PBX1: variants seen among roughly 807,000 people sequenced by gnomAD.
The protein encoded by PBX1 is pre-B-cell leukemia transcription factor 1.
Under a neutral mutation model 53.4 loss-of-function variants are expected in PBX1, and 6 were observed. That is an observed-to-expected ratio of 0.11 (90% CI 0.06 to 0.22). The LOEUF (loss-of-function observed/expected upper bound fraction) is 0.22, where lower values mean the gene tolerates loss of function less well. Ranked by LOEUF, PBX1 falls within the 10% of genes least tolerant of loss-of-function variation. The probability of loss-of-function intolerance (pLI) is 1.00; values close to 1 mark genes in which losing one functional copy is unlikely to be tolerated. For missense variants in PBX1, 251 were observed against 551.4 expected, an observed-to-expected ratio of 0.46 and a Z score of 5.46; for synonymous variants, 204 against 212.3, an observed-to-expected ratio of 0.96 and a Z score of 0.34.
downstream of PBX1, among the ~76,000 whole-genome samples, chr1:164,856,671 A>G (rs762229100): frequency 4.6e-5 from 7 of 152,146 alleles, no homozygotes; most frequent in Non-Finnish European, 1.0e-4. Flanking sequence ...CCTTCAGAAC[A>G]CATGACAGGT....
At chr1:164,627,196 C>A (rs993940478) in intron 2 of PBX1, among the ~76,000 whole-genome samples, 1 of 151,856 alleles carries the variant, frequency 6.6e-6, no homozygotes, top group Non-Finnish European at 1.5e-5. Flanking sequence ...ATTGAAAATG[C>A]CCCCTTTTTT....
At position 164,795,534 on chromosome 1, in the gene PBX1, G is replaced by T. The variant is rs973411090; in HGVS notation, c.510+2796G>T. On this transcript the variant is annotated intron_variant, in intron 3 of 8. Coordinates refer to ENST00000420696, the MANE Select transcript of PBX1 (RefSeq NM_002585.4). Reference sequence around the variant, plus strand: ...AGTGTAGAAGTTGTACTACTCATCTGTATTTATTATTTTTAAAAGTACTAA... The same window carrying T: ...AGTGTAGAAGTTGTACTACTCATCTTTATTTATTATTTTTAAAAGTACTAA... Among the ~76,000 whole-genome samples, 7 of 152,134 alleles carry T rather than the reference G, an allele frequency of 4.6e-5. No individual in the cohort carries two copies. The East Asian group carries it at 1.3e-3, about 29-fold the overall frequency.
At chr1:164,681,901 T>C (rs1039369637) in intron 2 of PBX1, among the ~76,000 whole-genome samples, 2 of 152,176 alleles carry the variant, frequency 1.3e-5, no homozygotes, top group African/African-American at 2.4e-5. Context: ...CAAATTTGCC[T>C]TTGTCTTAAC....
At chr1:164,620,170 T>G (rs967929394) in intron 2 of PBX1, among the ~76,000 whole-genome samples, 3 of 152,158 alleles carry the variant, frequency 2.0e-5, no homozygotes, top group African/African-American at 4.8e-5. Context: ...CAGAGTGAGA[T>G]CCTATCAAAA....
Position 164,848,345 on chromosome 1 carries a change from C to T in PBX1, c.*1669C>T. ...GAGGTGGTCAAATATTTTGGTGCCT[C>T]ATTTTCTTCATCTGTGAGATGGGAA... On this transcript the variant is annotated 3_prime_UTR_variant, in exon 9 of 9. Coordinates refer to ENST00000420696, the MANE Select transcript of PBX1 (RefSeq NM_002585.4). 10 of 1,057,268 alleles carry T rather than the reference C, an allele frequency of 9.5e-6. No individual in the cohort carries two copies. The highest frequency in any genetic ancestry group is 1.0e-5 in the Non-Finnish European group (9 of 874,324). 65.5% of individuals were successfully genotyped at this position (1,057,268 alleles called of 1,614,324 possible). A position where few individuals can be genotyped will look rare whatever the true frequency, so the allele number is the denominator to read the frequency against.
intron 2 of PBX1, among the ~76,000 whole-genome samples, chr1:164,668,509 G>T (rs1557929277): frequency 6.6e-6 from 1 of 151,952 alleles, no homozygotes; most frequent in Non-Finnish European, 1.5e-5. Context: ...GGGCCCTGCT[G>T]GGCTGTCTCC....
chr1:164,884,809 C>CG (rs1672740066), intron 2 of PBX1, among the ~76,000 whole-genome samples: 1 of 152,140 alleles, frequency 6.6e-6, no homozygotes, highest in African/African-American at 2.4e-5. Flanking sequence ...CTCTTCGCCC[C>CG]CACTAATCCA....
intron 2 of PBX1, among the ~76,000 whole-genome samples, chr1:164,631,822 G>T (rs1658428079): frequency 6.6e-6 from 1 of 152,196 alleles, no homozygotes; most frequent in Admixed American, 6.5e-5. Flanking sequence ...ACTGATTTGG[G>T]CCATATTCGA....
rs752154087 is a variant in PBX1, at chr1:164,579,609, AGTCT to A, written c.265+16306_265+16309del. ...GACTCTTGGAACACACAGACAGCAC[AGTCT>A]GTCTGTCCTGGCTGTCAGTCGAAGA... On this transcript the variant is annotated intron_variant, in intron 2 of 8. Coordinates refer to ENST00000420696, the MANE Select transcript of PBX1 (RefSeq NM_002585.4). Among the ~76,000 whole-genome samples the A allele has an allele frequency of 2.6e-5, 4 of 152,344 alleles. No individual in the cohort carries two copies. The East Asian group carries it at 7.7e-4, about 29-fold the overall frequency.
chr1:164,614,059 A>G (rs1206306456), intron 2 of PBX1, among the ~76,000 whole-genome samples: 1 of 152,204 alleles, frequency 6.6e-6, no homozygotes, highest in African/African-American at 2.4e-5. Flanking sequence ...TTGGGGAAGC[A>G]GAAGCACAAA....
In PBX1 at chr1:164,788,071, G is replaced by A. The variant is rs1365330942; in HGVS notation, c.266-4423G>A. The stretch of plus-strand genomic sequence containing the variant: ...TTCAGAAAAAAGCTGCTGGGGTGGG[G>A]AGGGAAGAGATGAGGGGGAGGGAGA... On this transcript the variant is annotated intron_variant, in intron 2 of 8. Transcript: ENST00000420696. 2.0e-5 allele frequency among the ~76,000 whole-genome samples: 3 copies of A among 151,916 alleles called. No individual in the cohort carries two copies. The East Asian group carries it at 5.8e-4, about 29-fold the overall frequency.
chr1:164,638,982 T>C (rs1370861645), intron 2 of PBX1, among the ~76,000 whole-genome samples: 1 of 152,230 alleles, frequency 6.6e-6, no homozygotes, highest in Non-Finnish European at 1.5e-5. Flanking sequence ...GTTTTTTCTC[T>C]ACAGGAGTTG....
At chr1:164,608,725 T>C (rs954062784) in intron 2 of PBX1, among the ~76,000 whole-genome samples, 1 of 152,178 alleles carries the variant, frequency 6.6e-6, no homozygotes, top group Non-Finnish European at 1.5e-5. Context: ...AGTCACAAAA[T>C]GTGGCTGAGC....
At position 164,573,025 on chromosome 1, in the gene PBX1, G is replaced by A. The variant is rs74994313; in HGVS notation, c.265+9714G>A. 2.6e-3 allele frequency among the ~76,000 whole-genome samples: 391 copies of A among 152,246 alleles called. 3 individuals carry two copies. The highest frequency in any genetic ancestry group is 9.2e-3 in the African/African-American group (382 of 41,552). On this transcript the variant is annotated intron_variant, in intron 2 of 8. Coordinates refer to ENST00000420696, the MANE Select transcript of PBX1 (RefSeq NM_002585.4). ...CACACCCCCCTCCCCTACTTCTAGA[G>A]TTCTGTGGAGAGAATCTCACAGAAC...
intron 2 of PBX1, among the ~76,000 whole-genome samples, chr1:164,732,021 A>T (rs1665017273): frequency 6.6e-6 from 1 of 152,142 alleles, no homozygotes; most frequent in African/African-American, 2.4e-5. Flanking sequence ...GAACAGGGAC[A>T]ATGTTGGGGA....
chr1:164,559,689 C>CT lies in PBX1; in HGVS notation c.-128dup, dbSNP rs1443258048. 8 of 357,150 alleles carry CT rather than the reference C, an allele frequency of 2.2e-5. No individual in the cohort carries two copies. The highest frequency in any genetic ancestry group is 8.5e-5 in the East Asian group (1 of 11,780). 22.1% of individuals were successfully genotyped at this position (357,150 alleles called of 1,614,324 possible). A position where few individuals can be genotyped will look rare whatever the true frequency, so the allele number is the denominator to read the frequency against. On this transcript the variant is annotated 5_prime_UTR_variant, in exon 1 of 9. Transcript: ENST00000420696. The stretch of plus-strand genomic sequence containing the variant: ...GGGATTTTTTTTTTCTTTTGGTCTT[C>CT]TTTTTTCCCCCTTCCCTGTTTATCC...
chr1:164,708,012 C>T (rs1663541661), intron 2 of PBX1, among the ~76,000 whole-genome samples: 1 of 152,224 alleles, frequency 6.6e-6, no homozygotes, highest in African/African-American at 2.4e-5. Context: ...GCATGACTTA[C>T]AGCAGATTTG....
intron 2 of PBX1, among the ~76,000 whole-genome samples, chr1:164,875,688 C>T (rs1457295294): frequency 6.6e-6 from 1 of 151,982 alleles, no homozygotes; most frequent in Admixed American, 6.5e-5. Context: ...TTGAGGTGGA[C>T]CTTAAGAGAG....
intron 2 of PBX1, among the ~76,000 whole-genome samples, chr1:164,670,530 A>G (rs1661056240): frequency 6.6e-6 from 1 of 152,188 alleles, no homozygotes; most frequent in Non-Finnish European, 1.5e-5. Flanking sequence ...CTTTCCTTGC[A>G]GACATTCTGA....
Sources: gnomAD v4.1 joint callset for allele counts (sites outside exome capture counted in the v4.1 genomes callset) on GRCh38, gnomAD v4.1.1 for gene constraint, MANE v1.5 for transcripts, NCBI Gene and HGNC (gene_info 2026-07-23, HGNC 2026-07-21) for gene names.